The following PRCD variants were observed in gnomAD, a reference collection of about 807,000 sequenced individuals.
PRCD encodes the protein photoreceptor disc component, also known as photoreceptor disk component PRCD.
PRCD carries 12 observed loss-of-function variants against 10.1 expected under a neutral mutation model. That is an observed-to-expected ratio of 1.18 (90% CI 0.76 to 1.92). The LOEUF (loss-of-function observed/expected upper bound fraction) is 1.92, where lower values mean the gene tolerates loss of function less well. PRCD is among the 40% of genes most tolerant of loss of function. The pLI is 0.00. For synonymous variants in PRCD, 31 were observed against 26.2 expected (o/e 1.18, Z -0.56); for missense variants, 61 against 72.2 (o/e 0.84, Z 0.56).
chr17:76,548,791 CCTT>C (rs1174371849), downstream of PRCD, among the ~76,000 whole-genome samples: 1 of 152,194 alleles, frequency 6.6e-6, no homozygotes, highest in Non-Finnish European at 1.5e-5. Context: ...CGGATTAAGA[CCTT>C]CTGCCACAAA....
rs757689823 is a variant in PRCD at position 76,531,716 on chromosome 17, G to A, written n.45+3883G>A. The A allele has an allele frequency of 3.8e-6, 6 of 1,561,660 alleles. No individual in the cohort carries two copies. Among genetic ancestry groups the A allele is most frequent in the African/African-American group, 1.4e-5 (1 of 74,048 alleles). ...CCTGGCAAGAGGAACAGGGGTGGTCGCTGAAGCTGGAGGCTGCCTCGGGCC... is the reference window on the plus strand; with the variant it reads ...CCTGGCAAGAGGAACAGGGGTGGTCACTGAAGCTGGAGGCTGCCTCGGGCC... On this transcript the variant is annotated intron_variant and non_coding_transcript_variant, in intron 1 of 4. Coordinates refer to the PRCD transcript ENST00000397633. This position sits in a 1 kb window ranked among gnomAD's most constrained non-coding sequence, Gnocchi z 7.4.
In PRCD at chr17:76,530,878, C is replaced by G. The variant is rs1216263215; in HGVS notation, n.45+3045C>G. 10 of 1,355,162 alleles carry G rather than the reference C, an allele frequency of 7.4e-6. No homozygotes were observed. The Admixed American group carries it at 2.5e-4, about 33-fold the overall frequency. 83.9% of individuals were successfully genotyped at this position (1,355,162 alleles called of 1,614,324 possible). A position where few individuals can be genotyped will look rare whatever the true frequency, so the allele number is the denominator to read the frequency against. On this transcript the variant is annotated intron_variant and non_coding_transcript_variant, in intron 1 of 4. Transcript: ENST00000397633. This position sits in a 1 kb window ranked among gnomAD's most constrained non-coding sequence, Gnocchi z 6.1. ...TTGGCCTGCCTCAAGTGTGCCTGCC[C>G]AGGTGATCAGCCCCAGGGCCTCAGG...
rs1043608064 is a variant in PRCD at position 76,540,383 on chromosome 17, G to A, written c.75-122G>A. 8 of 1,320,090 alleles carry A rather than the reference G, an allele frequency of 6.1e-6. No individual in the cohort carries two copies. In the South Asian group the frequency reaches 7.2e-5, roughly 12 times the overall value. 81.8% of individuals were successfully genotyped at this position (1,320,090 alleles called of 1,614,324 possible). ...CACAGTCTCAGAGCAGGGGGACTTA[G>A]AGCTTCAAAGGCTCTAGTTGCAGCC... On this transcript the variant is annotated intron_variant, in intron 1 of 4. Transcript: ENST00000592014. The surrounding 1 kb of genome is among the most constrained non-coding windows in gnomAD (Gnocchi z 5.0).
At position 76,531,923 on chromosome 17, in the gene PRCD, C is replaced by A. The variant is rs930582; in HGVS notation, n.45+4090C>A. On this transcript the variant is annotated intron_variant and non_coding_transcript_variant, in intron 1 of 4. Coordinates refer to the PRCD transcript ENST00000397633. This position sits in a 1 kb window ranked among gnomAD's most constrained non-coding sequence, Gnocchi z 7.4. ...TATCTGCCAGGCTTGCTCAGGCTGGCGGCTTCATCTCCTAGGCCTCTGTCT... is the reference window on the plus strand; with the variant it reads ...TATCTGCCAGGCTTGCTCAGGCTGGAGGCTTCATCTCCTAGGCCTCTGTCT... 0.02 allele frequency: 9,665 copies of A among 472,288 alleles called. 814 individuals carry two copies. Among genetic ancestry groups the A allele is most frequent in the African/African-American group, 0.17 (8,649 of 51,884 alleles). The allele number at this position is 472,288 out of a possible 1,614,324, so 29.3% of individuals were successfully genotyped here.
At chr17:76,534,146 T>TTCTCTCTCTCTCTC (rs71158013) in intron 1 of PRCD, among the ~76,000 whole-genome samples, 4,431 of 128,736 alleles carry the variant, frequency 0.034, 123 homozygotes, top group South Asian at 0.081. Context: ...CTCTTTCTCT[T>TTCTCTCTCTCTCTC]TCTCTCTCTC....
chr17:76,544,835 A>C lies in PRCD; in HGVS notation c.*1185A>C, dbSNP rs895157. ...CCTTCCACTGGTCTGAGGAATTGTCAGGCCAAGGTCATGGAGCTGGCTCAC... is the reference window on the plus strand; with the variant it reads ...CCTTCCACTGGTCTGAGGAATTGTCCGGCCAAGGTCATGGAGCTGGCTCAC... On this transcript the variant is annotated 3_prime_UTR_variant, in exon 5 of 5. Coordinates refer to ENST00000592014, the MANE Select transcript of PRCD (RefSeq NM_001077620.3). 0.19 allele frequency: 88,498 copies of C among 456,682 alleles called. 9,272 individuals are homozygous for C. The highest frequency in any genetic ancestry group is 0.25 in the South Asian group (16,455 of 64,574). The allele number at this position is 456,682 out of a possible 1,614,324, so 28.3% of individuals were successfully genotyped here.
chr17:76,539,110 G>T (rs1054297318), upstream of PRCD, among the ~76,000 whole-genome samples: 2 of 152,074 alleles, frequency 1.3e-5, no homozygotes. Flanking sequence ...AATGCCTCCT[G>T]GGGGTCTTGG....
At chr17:76,534,097 CT>C (rs71158012) in intron 1 of PRCD, among the ~76,000 whole-genome samples, 101,798 of 133,484 alleles carry the variant, frequency 0.76, 36,195 homozygotes, top group South Asian at 0.9. Flanking sequence ...TACCTTTTTT[CT>C]TTTTCTTTCT....
At chr17:76,529,352 T>A (rs960495752) in intron 1 of PRCD, 1 of 985,272 alleles carries the variant, frequency 1.0e-6, no homozygotes, top group Non-Finnish European at 1.2e-6. Context: ...GTAGCCCATC[T>A]CCATTCAGTC....
chr17:76,551,478 CG>C (rs2075108615), intron 1 of PRCD: 1 of 152,212 alleles, frequency 6.6e-6, no homozygotes, highest in Non-Finnish European at 1.5e-5. Flanking sequence ...ACAACTCCAA[CG>C]CCATCTATTC....
intron 1 of PRCD, chr17:76,529,054 C>T (rs12948670): frequency 2.8e-6 from 1 of 356,654 alleles, no homozygotes; most frequent in Non-Finnish European, 3.3e-6. Context: ...GCCCCCCCCC[C>T]ACCCCCCACC....
rs1223132001 is a variant in PRCD at position 76,531,966 on chromosome 17, CT to C, written n.45+4135del. The C allele has an allele frequency of 2.8e-6, 1 of 358,970 alleles. No homozygotes were observed. The highest frequency in any genetic ancestry group is 2.0e-5 in the African/African-American group (1 of 49,526). The allele number at this position is 358,970 out of a possible 1,614,324, so 22.2% of individuals were successfully genotyped here. ...CTCTGTCTTCCTCGCTTCTTGCTTCCTTCCCAAACTCTACACCCCCTTCAAG... is the reference window on the plus strand; with the variant it reads ...CTCTGTCTTCCTCGCTTCTTGCTTCCTCCCAAACTCTACACCCCCTTCAAG... On this transcript the variant is annotated intron_variant and non_coding_transcript_variant, in intron 1 of 4. Transcript: ENST00000397633. This position sits in a 1 kb window ranked among gnomAD's most constrained non-coding sequence, Gnocchi z 7.4.
At chr17:76,548,272 A>T (rs2075075628), downstream of PRCD, among the ~76,000 whole-genome samples, 1 of 152,190 alleles carries the variant, frequency 6.6e-6, no homozygotes, top group African/African-American at 2.4e-5. Flanking sequence ...ATACACATAA[A>T]CATACATACA....
chr17:76,540,506 G>A lies in PRCD; in HGVS notation c.76G>A (p.Glu26Lys). 6.2e-7 allele frequency: 1 copy of A among 1,613,646 alleles called. No individual in the cohort carries two copies. The highest frequency in any genetic ancestry group is 2.2e-5 in the East Asian group (1 of 44,862). ...RRRFANRVQP[E>K]PSDVDGAARG... ...CCTCCCTACTCTTGCCTCCCACAGA[G>A]AGCCCAGCGACGTGGATGGGGCAGC... The change falls in exon 2 of 5, where the codon GAG becomes AAG. Residue 26 changes from glutamate to lysine, a missense_variant and splice_region_variant. Glu to Lys is a moderately conservative substitution (Grantham distance 56, BLOSUM62 1). Transcript: ENST00000592014. This position sits in a 1 kb window ranked among gnomAD's most constrained non-coding sequence, Gnocchi z 5.0.
intron 1 of PRCD, chr17:76,529,804 T>C (rs1453943625): frequency 1.0e-6 from 1 of 985,018 alleles, no homozygotes; most frequent in Non-Finnish European, 1.2e-6. Context: ...TCCCATTGAC[T>C]CCCAGGTCTC....
exon 2 of PRCD, chr17:76,553,217 A>G (rs2075128103): frequency 6.6e-6 from 1 of 152,218 alleles, no homozygotes; most frequent in African/African-American, 2.4e-5. Context: ...TGTTGTTTTT[A>G]AAAGCAGGAA....
Position 76,542,592 on chromosome 17 carries a change from TG to T in PRCD, c.*22del, listed in dbSNP as rs1390991503. On this transcript the variant is annotated 3_prime_UTR_variant, in exon 3 of 5. Coordinates refer to ENST00000592014, the MANE Select transcript of PRCD (RefSeq NM_001077620.3). ...TGAAGTAAGCCCTCACCTCTGCAGG[TG>T]GGGCTCAGGCCCAGAGACTGGGATC... 1.2e-6 allele frequency: 2 copies of T among 1,613,728 alleles called. No homozygotes were observed. The highest frequency in any genetic ancestry group is 2.7e-5 in the African/African-American group (2 of 74,868).
chr17:76,548,617 T>A (rs1402555233), downstream of PRCD, among the ~76,000 whole-genome samples: 1 of 151,906 alleles, frequency 6.6e-6, no homozygotes, highest in East Asian at 1.9e-4. Context: ...TGGGCTGGAG[T>A]GAGGACGCAG....
At chr17:76,542,488 G>T in intron 2 of PRCD, 65 bp from the exon 3 acceptor site, 1 of 1,589,594 alleles carries the variant, frequency 6.3e-7, no homozygotes, top group South Asian at 1.1e-5. Context: ...AGGAGGAAGA[G>T]GAGAGTCAGA....
Sources: allele counts gnomAD v4.1 joint callset (sites outside exome capture counted in the v4.1 genomes callset), GRCh38; gene constraint gnomAD v4.1.1; non-coding constraint Gnocchi (gnomAD v3.1); transcripts MANE v1.5; gene names NCBI Gene and HGNC (gene_info 2026-07-23, HGNC 2026-07-21).